Variants in MYRFL observed in about 807,000 individuals in gnomAD.
MYRFL encodes myelin regulatory factor like.
Under a neutral mutation model 109.4 loss-of-function variants are expected in MYRFL, and 88 were observed. That is an observed-to-expected ratio of 0.80 (90% CI 0.68 to 0.96). The LOEUF (loss-of-function observed/expected upper bound fraction) is 0.96. Ranked by LOEUF, MYRFL falls within the 40% of genes least tolerant of loss-of-function variation. The pLI, the probability that MYRFL is intolerant of heterozygous loss-of-function variation, is 0.00. For missense variants in MYRFL, 957 were observed against 954.9 expected, an observed-to-expected ratio of 1.00 and a Z score of -0.03; for synonymous variants, 324 against 320.9, an observed-to-expected ratio of 1.01 and a Z score of -0.10.
intron 24 of MYRFL, 60 bp from the exon 25 acceptor site, chr12:69,958,385 C>T (rs1956141730): frequency 6.6e-7 from 1 of 1,515,742 alleles, no homozygotes; most frequent in African/African-American, 1.4e-5. Flanking sequence ...AAAAAAATCA[C>T]TTTAACCACA....
chr12:69,826,255 G>A (rs927667665), intron 1 of MYRFL, among the ~76,000 whole-genome samples: 1 of 151,960 alleles, frequency 6.6e-6, no homozygotes, highest in Non-Finnish European at 1.5e-5. Context: ...AGAAACATAA[G>A]ACCAAGAGAA....
In MYRFL at chr12:69,945,628, A is replaced by G. The variant is rs555891937; in HGVS notation, c.2225-6485A>G. On this transcript the variant is annotated intron_variant, in intron 19 of 24. Transcript: ENST00000552032. Reference sequence around the variant, plus strand: ...TAAGCAATGCATGACTGTATTGGGAAGAATAGCCCTTATTAAACCAGATCA... The same window carrying G: ...TAAGCAATGCATGACTGTATTGGGAGGAATAGCCCTTATTAAACCAGATCA... Among the ~76,000 whole-genome samples the G allele has an allele frequency of 4.8e-4, 73 of 152,330 alleles. 1 individual carries two copies. Among genetic ancestry groups the G allele is most frequent in the African/African-American group, 2.4e-5 (1 of 41,564 alleles).
At chr12:69,843,333 A>G (rs1352098304) in intron 1 of MYRFL, among the ~76,000 whole-genome samples, 1 of 152,208 alleles carries the variant, frequency 6.6e-6, no homozygotes, top group Non-Finnish European at 1.5e-5. Flanking sequence ...TATTTTTAAA[A>G]TCCTTTAAAC....
At chr12:69,837,057 A>G (rs557945184) in intron 1 of MYRFL, among the ~76,000 whole-genome samples, 9 of 152,158 alleles carry the variant, frequency 5.9e-5, no homozygotes, top group Admixed American at 2.0e-4. Flanking sequence ...AAAAAAATTG[A>G]GCCTTAACAA....
At chr12:69,869,488 C>A (rs1178430732) in intron 2 of MYRFL, among the ~76,000 whole-genome samples, 1 of 152,062 alleles carries the variant, frequency 6.6e-6, no homozygotes, top group Non-Finnish European at 1.5e-5. Context: ...GGAGAGGCTA[C>A]CATTTTAGAT....
At chr12:69,944,656 C>T (rs913964074) in intron 19 of MYRFL, among the ~76,000 whole-genome samples, 7 of 150,704 alleles carry the variant, frequency 4.6e-5, no homozygotes, top group Admixed American at 4.0e-4. Flanking sequence ...GCACAATGTG[C>T]ACATGTACCC....
intron 10 of MYRFL, among the ~76,000 whole-genome samples, chr12:69,899,767 T>G (rs1162924552): frequency 6.6e-6 from 1 of 152,108 alleles, no homozygotes; most frequent in Non-Finnish European, 1.5e-5. Context: ...GAGAGAATGG[T>G]GGGCAGGACC....
chr12:69,862,366 T>A (rs1884737745), intron 2 of MYRFL, among the ~76,000 whole-genome samples: 1 of 152,216 alleles, frequency 6.6e-6, no homozygotes, highest in Admixed American at 6.5e-5. Context: ...CAATATTGAT[T>A]CTTCCTACCC....
At chr12:69,864,791 G>T (rs970315629) in intron 2 of MYRFL, among the ~76,000 whole-genome samples, 7 of 152,052 alleles carry the variant, frequency 4.6e-5, no homozygotes, top group African/African-American at 1.7e-4. Flanking sequence ...CCCTGTGCCT[G>T]CCCTCACATT....
Position 69,851,801 on chromosome 12 carries a change from GAC to G in MYRFL, c.47-3472_47-3471del, listed in dbSNP as rs201631518. The stretch of plus-strand genomic sequence containing the variant: ...AGCCTCCTGAGAATCTGGGACTACA[GAC>G]ACACACCACCATCTTGGCTCATCTT... On this transcript the variant is annotated intron_variant, in intron 1 of 24. Coordinates refer to ENST00000552032, the MANE Select transcript of MYRFL (RefSeq NM_182530.3). Among the ~76,000 whole-genome samples the G allele has an allele frequency of 4.7e-3, 720 of 152,242 alleles. 7 individuals are homozygous for G. The highest frequency in any genetic ancestry group is 0.016 in the African/African-American group (671 of 41,526).
chr12:69,863,231 C>G (rs1268768390), intron 2 of MYRFL, among the ~76,000 whole-genome samples: 1 of 152,082 alleles, frequency 6.6e-6, no homozygotes, highest in Non-Finnish European at 1.5e-5. Context: ...TGTGTCTCTG[C>G]CCGGCGTTGG....
intron 5 of MYRFL, among the ~76,000 whole-genome samples, 175 bp from the exon 6 acceptor site, chr12:69,886,645 G>T (rs904601600): frequency 6.6e-6 from 1 of 152,078 alleles, no homozygotes; most frequent in South Asian, 2.1e-4. Flanking sequence ...ACCCCAGGCT[G>T]CTCCTTTCAC....
chr12:69,863,574 C>G (rs1396694668), intron 2 of MYRFL, among the ~76,000 whole-genome samples: 7 of 152,246 alleles, frequency 4.6e-5, no homozygotes, highest in Non-Finnish European at 7.3e-5. Context: ...AGTCCCATTT[C>G]TCTTTCCCTT....
At chr12:69,846,102 C>CAA (rs1883515875) in intron 1 of MYRFL, among the ~76,000 whole-genome samples, 1 of 94,796 alleles carries the variant, frequency 1.1e-5, no homozygotes. Flanking sequence ...TGGCTATTGA[C>CAA]TATCTTTTTT....
intron 1 of MYRFL, among the ~76,000 whole-genome samples, chr12:69,839,556 T>C (rs912992916): frequency 1.3e-5 from 2 of 152,212 alleles, no homozygotes; most frequent in Non-Finnish European, 2.9e-5. Flanking sequence ...TACATTATGT[T>C]ATAGTAGAAA....
intron 1 of MYRFL, among the ~76,000 whole-genome samples, chr12:69,848,168 A>C (rs1009406752): frequency 1.3e-5 from 2 of 152,088 alleles, no homozygotes; most frequent in African/African-American, 2.4e-5. Flanking sequence ...TTATGTTCAA[A>C]ATATTGGTCT....
At chr12:69,922,347 A>T (rs1014499374) in intron 13 of MYRFL, among the ~76,000 whole-genome samples, 1 of 152,232 alleles carries the variant, frequency 6.6e-6, no homozygotes, top group African/African-American at 2.4e-5. Context: ...TTTTATTACA[A>T]CAAATTTAGA....
Position 69,886,825 on chromosome 12 carries a change from A to G in MYRFL, c.562A>G (p.Ser188Gly), listed in dbSNP as rs1475850255. ...ACGCACCTGTTTCTTTGCAGTGACA[A>G]GTAGGAGTCGCAGCAGTGAAGTCCA... ...VWACHCRPMT[S>G]RSRSSEVQDP... The change falls in exon 6 of 25, where the codon AGT becomes GGT. Residue 188 changes from serine (S) to glycine (G), a missense_variant. Transcript: ENST00000552032. 3 of 1,535,860 alleles carry G rather than the reference A, an allele frequency of 2.0e-6. No homozygotes were observed. The Admixed American group carries it at 5.9e-5, about 30-fold the overall frequency.
intron 1 of MYRFL, among the ~76,000 whole-genome samples, chr12:69,852,283 A>G (rs1286100806): frequency 1.3e-5 from 2 of 152,138 alleles, no homozygotes; most frequent in African/African-American, 4.8e-5. Flanking sequence ...AGGTCTCTTC[A>G]TTTATTCAAA....
Sources: gnomAD v4.1 joint callset for allele counts (sites outside exome capture counted in the v4.1 genomes callset) on GRCh38, gnomAD v4.1.1 for gene constraint, MANE v1.5 for transcripts, NCBI Gene and HGNC (gene_info 2026-07-23, HGNC 2026-07-21) for gene names.